USP32: variants seen among roughly 807,000 people sequenced by gnomAD.
The protein encoded by USP32 is ubiquitin carboxyl-terminal hydrolase 32.
Under a neutral mutation model 204.8 loss-of-function variants are expected in USP32, and 59 were observed. That is an observed-to-expected ratio of 0.29 (90% confidence interval 0.23 to 0.36). The LOEUF (loss-of-function observed/expected upper bound fraction) is 0.36, where lower values mean the gene tolerates loss of function less well. Ranked by LOEUF, USP32 falls within the 10% of genes least tolerant of loss-of-function variation. USP32 has a pLI of 1.00. For missense variants in USP32, 1,160 were observed against 1,946.4 expected (o/e 0.60, Z 7.60); for synonymous variants, 517 against 678.4 (o/e 0.76, Z 3.70).
At chr17:60,212,479 C>T (rs991319074) in intron 18 of USP32, among the ~76,000 whole-genome samples, 8 of 152,082 alleles carry the variant, frequency 5.3e-5, no homozygotes, top group Non-Finnish European at 8.8e-5. Context: ...GTATTATAAT[C>T]TTATGGGACC....
Position 60,185,460 on chromosome 17 carries a change from C to G in USP32, c.3834G>C (p.Leu1278=), listed in dbSNP as rs2084226898. ...TCTCAGAGGCAGGACTGTAACATACCAGGATGGGTGGAAGCCTCCAGAGAT... is the reference window on the plus strand; with the variant it reads ...TCTCAGAGGCAGGACTGTAACATACGAGGATGGGTGGAAGCCTCCAGAGAT... ...KLDLWRLPPI[L]IIHLKRFQFV... Residue 1278 remains leucine (L), a splice_region_variant and synonymous_variant, in exon 30 of 34, where the codon CTG becomes CTC. Coordinates refer to ENST00000300896, the MANE Select transcript of USP32 (RefSeq NM_032582.4). 6.2e-7 allele frequency: 1 copy of G among 1,601,498 alleles called. No individual in the cohort carries two copies. The highest frequency in any genetic ancestry group is 8.5e-7 in the Non-Finnish European group (1 of 1,171,640).
rs774347956 is a variant in USP32 at position 60,198,354 on chromosome 17, G to A, written c.3340C>T (p.Arg1114Trp). The change falls in exon 27 of 34, where the codon CGG becomes TGG. Residue 1114 changes from arginine (R) to tryptophan (W), a missense_variant. Transcript: ENST00000300896. ...ACCGCATCATATAGGTCTTTCTTCC[G>A]GGTATGCACAGTACATGGAACAATC... ...PLIVPCTVHT[R>W]KKDLYDAVWI... 6.2e-6 allele frequency: 10 copies of A among 1,614,068 alleles called. No homozygotes were observed. The highest frequency in any genetic ancestry group is 2.2e-5 in the East Asian group (1 of 44,868).
At chr17:60,305,426 G>A (rs2087699568) in intron 2 of USP32, among the ~76,000 whole-genome samples, 1 of 152,140 alleles carries the variant, frequency 6.6e-6, no homozygotes. Context: ...CCAGGCACTC[G>A]TGGGGATCTG....
chr17:60,195,860 T>A (rs1381480932), intron 27 of USP32, among the ~76,000 whole-genome samples: 2 of 152,204 alleles, frequency 1.3e-5, no homozygotes, highest in Non-Finnish European at 2.9e-5. Flanking sequence ...CTTGAATATA[T>A]CATAGACTTC....
At chr17:60,412,122 A>G (rs2090023252) in intron 1 of USP32, among the ~76,000 whole-genome samples, 1 of 152,190 alleles carries the variant, frequency 6.6e-6, no homozygotes, top group African/African-American at 2.4e-5. Flanking sequence ...GACTGGACCC[A>G]ACAAGCCCAA....
At chr17:60,380,596 A>C (rs1237794945) in intron 1 of USP32, among the ~76,000 whole-genome samples, 2 of 152,210 alleles carry the variant, frequency 1.3e-5, no homozygotes, top group African/African-American at 2.4e-5. Context: ...ATATGAAATA[A>C]GAAGAGCATA....
chr17:60,262,119 G>A (rs1171522952), intron 9 of USP32, among the ~76,000 whole-genome samples: 2 of 152,072 alleles, frequency 1.3e-5, no homozygotes, highest in Non-Finnish European at 2.9e-5. Flanking sequence ...TGCTAAGCAA[G>A]GTATCATATG....
At chr17:60,289,326 A>T (rs1252907156) in intron 4 of USP32, among the ~76,000 whole-genome samples, 2 of 152,080 alleles carry the variant, frequency 1.3e-5, no homozygotes, top group Non-Finnish European at 2.9e-5. Context: ...TTCTTTAAAC[A>T]TTTAATAAAT....
intron 4 of USP32, among the ~76,000 whole-genome samples, chr17:60,289,164 C>G (rs191057733): frequency 2.0e-5 from 3 of 152,106 alleles, no homozygotes; most frequent in African/African-American, 7.2e-5. Flanking sequence ...CCCACCACCA[C>G]GCCCGGCTAA....
chr17:60,291,537 ATGTGTGTGTGTG>A lies in USP32; in HGVS notation c.412-2867_412-2856del, dbSNP rs58874239. 6.2e-5 allele frequency among the ~76,000 whole-genome samples: 9 copies of A among 145,334 alleles called. No homozygotes were observed. In the East Asian group the frequency reaches 1.0e-3, roughly 17 times the overall value. On this transcript the variant is annotated intron_variant, in intron 4 of 33. Transcript: ENST00000300896. ...AAAGTGCTTCTCTCTCTGTGTGTGT[ATGTGTGTGTGTG>A]TGTGTGTGTGTGTGTGTGTGTGTAT...
At chr17:60,380,201 GAATA>G (rs1452841015) in intron 1 of USP32, among the ~76,000 whole-genome samples, 1 of 152,224 alleles carries the variant, frequency 6.6e-6, no homozygotes, top group Non-Finnish European at 1.5e-5. Context: ...AAAATTATTA[GAATA>G]GATAAAAGCA....
chr17:60,282,244 A>C (rs1360371013), intron 5 of USP32, among the ~76,000 whole-genome samples: 1 of 152,222 alleles, frequency 6.6e-6, no homozygotes, highest in South Asian at 2.1e-4. Context: ...TCTATATCTG[A>C]TATCATTTAG....
chr17:60,394,128 AG>A (rs2089882608), upstream of USP32, among the ~76,000 whole-genome samples: 1 of 152,182 alleles, frequency 6.6e-6, no homozygotes, highest in African/African-American at 2.4e-5. Flanking sequence ...GCCATGAATC[AG>A]GGGGTTGGGA....
chr17:60,362,977 A>T (rs988065511), intron 1 of USP32, among the ~76,000 whole-genome samples: 1 of 152,110 alleles, frequency 6.6e-6, no homozygotes, highest in Admixed American at 6.5e-5. Context: ...GTTGCATCTA[A>T]TCCAGCATTT....
At chr17:60,309,908 G>T (rs1290628411) in intron 2 of USP32, among the ~76,000 whole-genome samples, 1 of 152,128 alleles carries the variant, frequency 6.6e-6, no homozygotes, top group Non-Finnish European at 1.5e-5. Context: ...GCCGGGCATG[G>T]TGGCATGTGC....
chr17:60,272,105 G>A (rs1038192857), intron 5 of USP32, among the ~76,000 whole-genome samples: 1 of 152,144 alleles, frequency 6.6e-6, no homozygotes, highest in South Asian at 2.1e-4. Flanking sequence ...GTGAGCCACT[G>A]TGCTCAGCCA....
chr17:60,370,055 T>TC (rs2089407407), intron 1 of USP32, among the ~76,000 whole-genome samples: 2 of 152,072 alleles, frequency 1.3e-5, no homozygotes, highest in African/African-American at 4.8e-5. Flanking sequence ...ATAATTTTTT[T>TC]TTTTTTTGAG....
chr17:60,196,638 G>A (rs190818644), intron 27 of USP32, among the ~76,000 whole-genome samples: 159 of 146,704 alleles, frequency 1.1e-3, no homozygotes, highest in Middle Eastern at 3.8e-3. Flanking sequence ...CAGCCTGGCC[G>A]ACATGGTGAA....
rs148018980 is a variant in USP32 at position 60,301,669 on chromosome 17, C to T, written c.222G>A (p.Gly74=). The stretch of plus-strand genomic sequence containing the variant: ...CAACTATTAAATTATTGAAGTGCAG[C>T]CCTTTGGATGTTCCACCAAAAGAAC... ...IYCSFGGTSK[G]LHFNNLIVGL... The change falls in exon 3 of 34, where the codon GGG becomes GGA. Residue 74 remains glycine, a synonymous_variant. Transcript: ENST00000300896. The T allele has an allele frequency of 1.2e-6, 2 of 1,600,976 alleles. No homozygotes were observed. Among genetic ancestry groups the T allele is most frequent in the African/African-American group, 2.7e-5 (2 of 74,070 alleles).
Sources: gnomAD v4.1 joint callset for allele counts (sites outside exome capture counted in the v4.1 genomes callset) on GRCh38, gnomAD v4.1.1 for gene constraint, MANE v1.5 for transcripts, NCBI Gene and HGNC (gene_info 2026-07-23, HGNC 2026-07-21) for gene names.